ANK1: variants seen among roughly 807,000 people sequenced by gnomAD.
ANK1 encodes ankyrin 1.
Under a neutral mutation model 210.4 loss-of-function variants are expected in ANK1, and 51 were observed. The ratio of observed to expected loss-of-function variants is 0.24; its 90% CI spans 0.19 to 0.31. The LOEUF is 0.31. ANK1 is among the 10% of genes least tolerant of loss of function. The pLI, the probability that ANK1 is intolerant of heterozygous loss-of-function variation, is 1.00. For synonymous variants in ANK1, 967 were observed against 1,025.9 expected, an observed-to-expected ratio of 0.94 and a Z score of 1.10; for missense variants, 2,051 against 2,504.4, an observed-to-expected ratio of 0.82 and a Z score of 3.86.
chr8:41,789,039 G>A (rs1252804895), intron 1 of ANK1: 1 of 152,174 alleles, frequency 6.6e-6, no homozygotes, highest in Non-Finnish European at 1.5e-5. Flanking sequence ...CCCATTCAAA[G>A]TTCTCTTCCT....
chr8:41,806,369 T>C (rs1382192201), intron 1 of ANK1, among the ~76,000 whole-genome samples: 1 of 151,912 alleles, frequency 6.6e-6, no homozygotes, highest in Non-Finnish European at 1.5e-5. Flanking sequence ...TTTCCACTAC[T>C]GTGTATAAAA....
upstream of ANK1, among the ~76,000 whole-genome samples, chr8:41,800,903 C>T (rs902789230): frequency 3.3e-5 from 5 of 151,940 alleles, no homozygotes; most frequent in Non-Finnish European, 2.9e-5. Context: ...TTAGTAGAGA[C>T]GGGGTTTCAC....
intron 5 of ANK1, 39 bp downstream of exon 5, chr8:41,727,211 A>G (rs771898206): frequency 2.6e-6 from 4 of 1,527,022 alleles, no homozygotes; most frequent in Admixed American, 1.7e-5. Context: ...TACACCTGGG[A>G]GACTTCTGGT....
Position 41,703,921 on chromosome 8 carries a change from G to C in ANK1, c.2295+120C>G. 3 of 895,624 alleles carry C rather than the reference G, an allele frequency of 3.3e-6. No homozygotes were observed. In the Admixed American group the frequency reaches 5.6e-5, roughly 17 times the overall value. 55.5% of individuals were successfully genotyped at this position (895,624 alleles called of 1,614,324 possible). A position where few individuals can be genotyped will look rare whatever the true frequency, so the allele number is the denominator to read the frequency against. ...GTACCCAAGGTAGCTGTGGCTTTAGGGTGCTGCGGCCCCGTCCAGGCCCTA... is the reference window on the plus strand; with the variant it reads ...GTACCCAAGGTAGCTGTGGCTTTAGCGTGCTGCGGCCCCGTCCAGGCCCTA... On this transcript the variant is annotated intron_variant, in intron 20 of 42. Transcript: ENST00000289734.
chr8:41,890,228 C>G (rs1401033592), intron 1 of ANK1, among the ~76,000 whole-genome samples: 1 of 152,170 alleles, frequency 6.6e-6, no homozygotes, highest in East Asian at 1.9e-4. Context: ...GATGAGAAAA[C>G]TGAGGCTGGA....
At chr8:41,840,835 G>A (rs180755917) in intron 1 of ANK1, among the ~76,000 whole-genome samples, 47 of 152,256 alleles carry the variant, frequency 3.1e-4, no homozygotes, top group African/African-American at 7.9e-4. Flanking sequence ...AGAGTGGCCC[G>A]CTTGAAACGT....
chr8:41,726,225 CTTGTT>C (rs1334615643), intron 5 of ANK1, among the ~76,000 whole-genome samples: 4 of 152,138 alleles, frequency 2.6e-5, no homozygotes, highest in Admixed American at 2.6e-4. Flanking sequence ...TCCAGTTTGA[CTTGTT>C]TTAAGAAACT....
intron 37 of ANK1, among the ~76,000 whole-genome samples, chr8:41,675,201 C>T (rs1813744293): frequency 1.3e-5 from 2 of 152,218 alleles, no homozygotes; most frequent in African/African-American, 4.8e-5. Flanking sequence ...AGTGATTCTC[C>T]TGCCTTAGCC....
Position 41,655,471 on chromosome 8 carries a change from C to A in ANK1, c.*319G>T. The A allele has an allele frequency of 2.0e-6, 1 of 497,632 alleles. No individual in the cohort carries two copies. Among genetic ancestry groups the A allele is most frequent in the Non-Finnish European group, 3.6e-6 (1 of 279,204 alleles). 30.8% of individuals were successfully genotyped at this position (497,632 alleles called of 1,614,324 possible). ...TTCACTTTTGCGTTCGCAGGCTCTC[C>A]TGCGCTTGTTTTCTATCCCTCTCTC... On this transcript the variant is annotated 3_prime_UTR_variant, in exon 43 of 43. Coordinates refer to ENST00000289734, the MANE Select transcript of ANK1 (RefSeq NM_000037.4).
At chr8:41,805,245 T>TTCTC (rs150007263) in intron 1 of ANK1, among the ~76,000 whole-genome samples, 29 of 144,870 alleles carry the variant, frequency 2.0e-4, no homozygotes, top group African/African-American at 5.7e-4. Flanking sequence ...CTTTGTCTCT[T>TTCTC]TCTCTCTCTC....
chr8:41,851,708 A>G (rs1263795460), intron 1 of ANK1, among the ~76,000 whole-genome samples: 1 of 152,144 alleles, frequency 6.6e-6, no homozygotes, highest in Non-Finnish European at 1.5e-5. Context: ...CAAAAAAACC[A>G]TTGGTCAGAG....
intron 1 of ANK1, among the ~76,000 whole-genome samples, chr8:41,773,839 G>A (rs901844017): frequency 8.5e-5 from 13 of 152,112 alleles, no homozygotes; most frequent in African/African-American, 1.2e-4. Flanking sequence ...ACCCAGTCCC[G>A]GTGCTGGAGA....
At chr8:41,831,903 T>C (rs1033058128) in intron 1 of ANK1, among the ~76,000 whole-genome samples, 9 of 152,118 alleles carry the variant, frequency 5.9e-5, no homozygotes, top group African/African-American at 1.9e-4. Flanking sequence ...CCCAAAAGCA[T>C]GCTGCTACAC....
intron 1 of ANK1, among the ~76,000 whole-genome samples, chr8:41,814,250 C>T (rs959425532): frequency 1.3e-5 from 2 of 151,922 alleles, no homozygotes; most frequent in African/African-American, 4.8e-5. Flanking sequence ...GTCCCAGCTA[C>T]TCAGGAGGCT....
intron 1 of ANK1, among the ~76,000 whole-genome samples, chr8:41,796,774 G>A (rs777832031): frequency 4.0e-5 from 6 of 151,644 alleles, no homozygotes; most frequent in Non-Finnish European, 5.9e-5. Context: ...ACTAAGAACC[G>A]TACCCAACAA....
intron 2 of ANK1, among the ~76,000 whole-genome samples, chr8:41,757,616 C>A (rs1464913115): frequency 6.6e-6 from 1 of 152,224 alleles, no homozygotes; most frequent in Non-Finnish European, 1.5e-5. Flanking sequence ...ACAAGCGGGG[C>A]CTCGTTCCTC....
At chr8:41,784,894 G>A (rs1190452390) in intron 1 of ANK1, among the ~76,000 whole-genome samples, 1 of 152,230 alleles carries the variant, frequency 6.6e-6, no homozygotes, top group Non-Finnish European at 1.5e-5. Flanking sequence ...CAAAGCAGGT[G>A]ATACAAAGTT....
chr8:41,715,199 C>A, intron 14 of ANK1, 125 bp from the exon 15 acceptor site: 1 of 868,248 alleles, frequency 1.2e-6, no homozygotes, highest in Admixed American at 2.3e-5. Context: ...AAGGCACAGC[C>A]ATTTTTGAGC....
rs748993091 is a variant in ANK1 at position 41,684,574 on chromosome 8, C to T, written c.4507G>A (p.Asp1503Asn). The change falls in exon 37 of 43, where the codon GAC becomes AAC. Residue 1503 changes from aspartate to asparagine, a missense_variant. Physicochemically the swap from Asp to Asn is conservative, Grantham distance 23. Transcript: ENST00000289734. ...ATCTGGGAGGGTGACAGCGAGTAGT[C>T]GCGGTCGGTGTGCCGCCTGTCTGGC... ...LKPDRRHTDR[D>N]YSLSPSQMNG... The T allele has an allele frequency of 1.4e-5, 23 of 1,613,672 alleles. No individual in the cohort carries two copies. The highest frequency in any genetic ancestry group is 1.9e-5 in the Non-Finnish European group (22 of 1,180,052).
Sources: allele counts gnomAD v4.1 joint callset (sites outside exome capture counted in the v4.1 genomes callset), GRCh38; gene constraint gnomAD v4.1.1; transcripts MANE v1.5; gene names NCBI Gene and HGNC (gene_info 2026-07-23, HGNC 2026-07-21).